The following CAMSAP1 variants were observed in gnomAD, a reference collection of about 807,000 sequenced individuals.
CAMSAP1 encodes the protein calmodulin-regulated spectrin-associated protein 1.
CAMSAP1 carries 58 observed loss-of-function variants against 143.5 expected under a neutral mutation model. That is an observed-to-expected ratio of 0.40 (90% CI 0.33 to 0.50). The LOEUF (loss-of-function observed/expected upper bound fraction) is 0.50. Ranked by LOEUF, CAMSAP1 falls within the 20% of genes least tolerant of loss-of-function variation. The probability of loss-of-function intolerance (pLI) is 0.45; values close to 1 mark genes in which losing one functional copy is unlikely to be tolerated. For synonymous variants in CAMSAP1, 945 were observed against 859.3 expected (o/e 1.10, Z -1.74); for missense variants, 1,969 against 2,115.7 (o/e 0.93, Z 1.36).
chr9:135,900,432 G>T (rs890509916), intron 1 of CAMSAP1, among the ~76,000 whole-genome samples: 6 of 152,032 alleles, frequency 3.9e-5, no homozygotes, highest in Admixed American at 3.9e-4. Flanking sequence ...GGTGGCTCAC[G>T]CCTGTAATCC....
rs1271869518 is a variant in CAMSAP1, at chr9:135,862,537, T to G, written c.738A>C (p.Arg246Ser). The change falls in exon 5 of 17, where the codon AGA becomes AGC. Residue 246 changes from arginine (R) to serine (S), a missense_variant. Physicochemically the swap from Arg to Ser is moderately radical, Grantham distance 110 (BLOSUM62 -1). Coordinates refer to ENST00000389532, the MANE Select transcript of CAMSAP1 (RefSeq NM_015447.4). ...PYFPLLEDLM[R>S]DGSDGAALLA... ...AGAGAGCAGCACCATCACTGCCGTC[T>G]CTCATCAAATCCTCCAACAACGGGA... 1 of 1,551,564 alleles carries G rather than the reference T, an allele frequency of 6.4e-7. No homozygotes were observed. Among genetic ancestry groups the G allele is most frequent in the Non-Finnish European group, 8.7e-7 (1 of 1,147,010 alleles).
intron 7 of CAMSAP1, chr9:135,836,857 C>T: frequency 1.0e-6 from 1 of 983,564 alleles, no homozygotes; most frequent in Non-Finnish European, 1.2e-6. Context: ...ACATCATGCA[C>T]TTTCTACCCA....
Position 135,824,880 on chromosome 9 carries a change from G to T in CAMSAP1, c.1224C>A (p.Leu408=). ...GGCTGAAGGCAGCAGTTCCTTTCCC[G>T]CTAAATGGAAAAAGAATTACAGGGA... ...HYLHPEEPEY[L]GKGTAAFSPS... is the part of the protein sequence containing the mutation. The change falls in exon 9 of 17, where the codon CTC becomes CTA. Residue 408 remains leucine, a splice_region_variant and synonymous_variant. Coordinates refer to ENST00000389532, the MANE Select transcript of CAMSAP1 (RefSeq NM_015447.4). The surrounding 1 kb of genome is among the most constrained non-coding windows in gnomAD (Gnocchi z 4.1). 1 of 1,580,374 alleles carries T rather than the reference G, an allele frequency of 6.3e-7. No individual in the cohort carries two copies. Among genetic ancestry groups the T allele is most frequent in the Non-Finnish European group, 8.6e-7 (1 of 1,163,112 alleles).
intron 16 of CAMSAP1, among the ~76,000 whole-genome samples, chr9:135,814,676 G>A (rs1183433031): frequency 2.6e-5 from 4 of 151,212 alleles, no homozygotes; most frequent in South Asian, 2.1e-4. Context: ...CCAACCCACC[G>A]CTCCAGCCCT....
Position 135,818,735 on chromosome 9 carries a change from T to A in CAMSAP1, c.3960-119A>T, listed in dbSNP as rs1249978615. On this transcript the variant is annotated intron_variant, in intron 12 of 16. Coordinates refer to ENST00000389532, the MANE Select transcript of CAMSAP1 (RefSeq NM_015447.4). The surrounding 1 kb of genome is among the most constrained non-coding windows in gnomAD (Gnocchi z 7.7). ...TCTCCCCGGCCGCTGGGACCAAGAG[T>A]GGCCAGCCTCCACAAGCGGGACACA... 3.2e-6 allele frequency: 4 copies of A among 1,260,400 alleles called. No homozygotes were observed. 78.1% of individuals were successfully genotyped at this position (1,260,400 alleles called of 1,614,324 possible).
chr9:135,881,502 G>T, intron 3 of CAMSAP1, 131 bp downstream of exon 3: 1 of 1,062,812 alleles, frequency 9.4e-7, no homozygotes. Context: ...CACATTTCTG[G>T]ACACAAAATA....
chr9:135,813,607 T>C lies in CAMSAP1; in HGVS notation c.4506+1490A>G, dbSNP rs113448491. ...GGAAGCGTGTGGTGCCCACAGCTTA[T>C]GTGGCACAGCTGAGAGGGCTGCTGT... On this transcript the variant is annotated intron_variant, in intron 16 of 16. Coordinates refer to ENST00000389532, the MANE Select transcript of CAMSAP1 (RefSeq NM_015447.4). Among the ~76,000 whole-genome samples the C allele has an allele frequency of 3.5e-3, 526 of 152,336 alleles. 3 individuals carry two copies. Among genetic ancestry groups the C allele is most frequent in the Middle Eastern group, 0.014 (4 of 294 alleles).
At chr9:135,853,251 T>G (rs1412864520) in intron 5 of CAMSAP1, among the ~76,000 whole-genome samples, 1 of 151,324 alleles carries the variant, frequency 6.6e-6, no homozygotes, top group African/African-American at 2.4e-5. Flanking sequence ...ACATCAAGAG[T>G]CAAGAGAGGT....
At chr9:135,844,276 T>C (rs1485354756) in intron 7 of CAMSAP1, among the ~76,000 whole-genome samples, 1 of 152,072 alleles carries the variant, frequency 6.6e-6, no homozygotes, top group African/African-American at 2.4e-5. Context: ...GCAATCAAAT[T>C]AGAACTCAGG....
Position 135,865,452 on chromosome 9 carries a change from G to A in CAMSAP1, c.666+1004C>T, listed in dbSNP as rs984163602. 66 of 1,353,868 alleles carry A rather than the reference G, an allele frequency of 4.9e-5. 1 individual carries two copies. The highest frequency in any genetic ancestry group is 5.1e-5 in the Non-Finnish European group (50 of 973,106). The allele number at this position is 1,353,868 out of a possible 1,614,324, so 83.9% of individuals were successfully genotyped here. On this transcript the variant is annotated intron_variant, in intron 4 of 16. Coordinates refer to ENST00000389532, the MANE Select transcript of CAMSAP1 (RefSeq NM_015447.4). The stretch of plus-strand genomic sequence containing the variant: ...GACGAGGTAACACACACTTCCCCAC[G>A]GCGTTTACACGGCAGAGGCGGGAGA...
At position 135,809,525 on chromosome 9, in the gene CAMSAP1, T is replaced by A. The variant is rs1397509870; in HGVS notation, c.*1784A>T. The A allele has an allele frequency of 6.6e-6, 1 of 152,504 alleles. No individual in the cohort carries two copies. The highest frequency in any genetic ancestry group is 2.4e-5 in the African/African-American group (1 of 41,450). The allele number at this position is 152,504 out of a possible 1,614,324, so 9.4% of individuals were successfully genotyped here. ...GTGAAACTCCTATAAAGCAAGGAGTTGGTGTCGCCTGGTCAGCGAAATGAG... is the reference window on the plus strand; with the variant it reads ...GTGAAACTCCTATAAAGCAAGGAGTAGGTGTCGCCTGGTCAGCGAAATGAG... On this transcript the variant is annotated 3_prime_UTR_variant, in exon 17 of 17. Transcript: ENST00000389532.
chr9:135,859,778 T>A (rs1256636612), intron 5 of CAMSAP1, among the ~76,000 whole-genome samples: 1 of 152,152 alleles, frequency 6.6e-6, no homozygotes, highest in African/African-American at 2.4e-5. Flanking sequence ...TGTAAACTGT[T>A]CACATGATCA....
At chr9:135,855,856 T>G (rs1370955439) in intron 5 of CAMSAP1, among the ~76,000 whole-genome samples, 2 of 148,678 alleles carry the variant, frequency 1.3e-5, no homozygotes, top group Admixed American at 6.7e-5. Flanking sequence ...ATCAAGACCA[T>G]CCTGGCTAAC....
At position 135,818,990 on chromosome 9, in the gene CAMSAP1, C is replaced by A. The variant is rs1247309612; in HGVS notation, c.3959+20G>T. 1.2e-6 allele frequency: 2 copies of A among 1,602,312 alleles called. No individual in the cohort carries two copies. Among genetic ancestry groups the A allele is most frequent in the East Asian group, 2.2e-5 (1 of 44,660 alleles). On this transcript the variant is annotated intron_variant, in intron 12 of 16. Coordinates refer to ENST00000389532, the MANE Select transcript of CAMSAP1 (RefSeq NM_015447.4). This position sits in a 1 kb window ranked among gnomAD's most constrained non-coding sequence, Gnocchi z 7.7. The stretch of plus-strand genomic sequence containing the variant: ...CCAGGCTCCTGCTCAGTCTGCTTTC[C>A]CCCCCGGCGGGACGCTTACCGGGCT...
intron 1 of CAMSAP1, among the ~76,000 whole-genome samples, chr9:135,891,872 T>G (rs1397396317): frequency 6.6e-6 from 1 of 151,994 alleles, no homozygotes; most frequent in African/African-American, 2.4e-5. Context: ...GAACGAAAAT[T>G]TCAGGACTAA....
At chr9:135,864,250 G>A (rs925400614) in intron 4 of CAMSAP1, among the ~76,000 whole-genome samples, 3 of 152,220 alleles carry the variant, frequency 2.0e-5, no homozygotes, top group Non-Finnish European at 4.4e-5. Flanking sequence ...GTGAGCCCTT[G>A]ACTAAATCAC....
intron 3 of CAMSAP1, among the ~76,000 whole-genome samples, chr9:135,872,418 G>A (rs143531172): frequency 7.6e-4 from 115 of 151,962 alleles, no homozygotes; most frequent in Middle Eastern, 6.8e-3. Context: ...AATACAGGAG[G>A]ATAAAAGGGA....
chr9:135,877,974 C>A (rs1054417950), intron 3 of CAMSAP1, among the ~76,000 whole-genome samples: 1 of 152,166 alleles, frequency 6.6e-6, no homozygotes, highest in South Asian at 2.1e-4. Context: ...ATGGGAAACC[C>A]GCATGGCAGC....
intron 1 of CAMSAP1, among the ~76,000 whole-genome samples, chr9:135,895,344 G>A (rs1838409176): frequency 6.6e-6 from 1 of 152,160 alleles, no homozygotes; most frequent in African/African-American, 2.4e-5. Context: ...AGCCAAAGGG[G>A]AATGGTACGA....
Sources: allele counts gnomAD v4.1 joint callset (sites outside exome capture counted in the v4.1 genomes callset), GRCh38; gene constraint gnomAD v4.1.1; non-coding constraint Gnocchi (gnomAD v3.1); transcripts MANE v1.5; gene names NCBI Gene and HGNC (gene_info 2026-07-23, HGNC 2026-07-21).